LMF1: variants seen among roughly 807,000 people sequenced by gnomAD.
The protein encoded by LMF1 is transmembrane protein 112.
A neutral mutation model predicts 60.6 loss-of-function variants in LMF1; 68 were observed. The observed-to-expected ratio is 1.12, with a 90% CI of 0.92 to 1.37. The LOEUF is 1.37. LMF1 is among the 40% of genes most tolerant of loss of function. The pLI, the probability that LMF1 is intolerant of heterozygous loss-of-function variation, is 0.00. For synonymous variants in LMF1, 418 were observed against 324.7 expected (o/e 1.29, Z -3.09); for missense variants, 948 against 767.2 (o/e 1.24, Z -2.78).
chr16:979,844 T>C (rs2073291715), intron 1 of LMF1: 47 of 441,996 alleles, frequency 1.1e-4, no homozygotes, highest in South Asian at 6.6e-4. Context: ...CCCCCACTTC[T>C]GCCTGCCTGC....
At chr16:947,337 G>C (rs996772725) in intron 2 of LMF1, 2 of 384,644 alleles carry the variant, frequency 5.2e-6, no homozygotes, top group Admixed American at 3.0e-5. Flanking sequence ...CACCCACCCA[G>C]TTGGGGCTAC....
chr16:920,630 T>C (rs1429758724), intron 3 of LMF1, among the ~76,000 whole-genome samples: 1 of 152,222 alleles, frequency 6.6e-6, no homozygotes, highest in Non-Finnish European at 1.5e-5. Flanking sequence ...AGAGGCCTGA[T>C]GTCCATGTCC....
intron 3 of LMF1, among the ~76,000 whole-genome samples, chr16:923,077 G>C (rs1206415689): frequency 3.5e-5 from 5 of 140,884 alleles, no homozygotes; most frequent in Non-Finnish European, 6.4e-5. Flanking sequence ...TGTTGGTGTC[G>C]TGTTGTTGCG....
chr16:876,268 C>A (rs1397787054), intron 6 of LMF1, among the ~76,000 whole-genome samples: 1 of 152,240 alleles, frequency 6.6e-6, no homozygotes, highest in Admixed American at 6.5e-5. Context: ...TCCGCAAAGG[C>A]TGCACAATGC....
chr16:859,186 T>A (rs375262350), intron 10 of LMF1, among the ~76,000 whole-genome samples: 325 of 44,900 alleles, frequency 7.2e-3, no homozygotes, highest in South Asian at 0.016. Flanking sequence ...GAGTGGTGTC[T>A]CGGGACGGGT....
chr16:970,895 G>T lies in LMF1; in HGVS notation c.86C>A (p.Ser29Ter), dbSNP rs1596178085. Residue 29 changes from serine (S) to a stop codon, truncating the protein, a stop_gained, in exon 1 of 11, where the codon TCG becomes TAG. Transcript: ENST00000262301. LOFTEE classifies it high-confidence loss of function. ...GGGGCCACGCCCCGGCGCGGGCGGC[G>T]ACTCAGGCTCCGGATCCGAGTACCC... ...KTGYSDPEPE[S>*]PPAPGRGPAG... is the part of the protein sequence containing the mutation. 3 of 1,578,964 alleles carry T rather than the reference G, an allele frequency of 1.9e-6. No individual in the cohort carries two copies. The highest frequency in any genetic ancestry group is 2.6e-6 in the Non-Finnish European group (3 of 1,164,658).
chr16:915,014 G>T (rs1006827923), intron 3 of LMF1, among the ~76,000 whole-genome samples: 2 of 152,256 alleles, frequency 1.3e-5, no homozygotes, highest in African/African-American at 4.8e-5. Flanking sequence ...TGCCTGCTCG[G>T]CTGGCCCAGG....
At chr16:959,201 C>T (rs1352384590) in intron 1 of LMF1, among the ~76,000 whole-genome samples, 4 of 152,090 alleles carry the variant, frequency 2.6e-5, no homozygotes, top group East Asian at 1.9e-4. Flanking sequence ...GATAAATAAC[C>T]GGAGGTGCAT....
intron 5 of LMF1, chr16:884,982 GA>G (rs1338008182): frequency 8.5e-5 from 13 of 152,376 alleles, no homozygotes; most frequent in African/African-American, 2.9e-4. Context: ...AAGAGCTCCG[GA>G]AATGGTAAGT....
At chr16:919,238 G>GT (rs963542027) in intron 3 of LMF1, among the ~76,000 whole-genome samples, 1 of 152,120 alleles carries the variant, frequency 6.6e-6, no homozygotes, top group Non-Finnish European at 1.5e-5. Context: ...TCCACCCCAC[G>GT]TGGAGGGTGG....
At chr16:971,042 A>T (rs1567343282), upstream of LMF1, 1 of 868,588 alleles carries the variant, frequency 1.2e-6, no homozygotes, top group Non-Finnish European at 1.5e-6. Flanking sequence ...CCATTCTCGG[A>T]GGCCCCGCCT....
At chr16:887,857 G>A (rs1020155038) in intron 5 of LMF1, among the ~76,000 whole-genome samples, 1 of 152,170 alleles carries the variant, frequency 6.6e-6, no homozygotes, top group Non-Finnish European at 1.5e-5. Context: ...CCCTGCAGGT[G>A]TGGGAGCCCA....
At chr16:894,996 C>T (rs1326627743) in intron 4 of LMF1, among the ~76,000 whole-genome samples, 4 of 152,206 alleles carry the variant, frequency 2.6e-5, no homozygotes, top group Admixed American at 1.3e-4. Context: ...GGGAGGAAGA[C>T]AGGGTGAGGG....
intron 5 of LMF1, among the ~76,000 whole-genome samples, chr16:880,533 G>A (rs2070131455): frequency 6.6e-6 from 1 of 152,248 alleles, no homozygotes; most frequent in Non-Finnish European, 1.5e-5. Flanking sequence ...AGCTGGGCAT[G>A]GTGGTGCGTG....
chr16:941,628 T>G (rs1299450032), intron 2 of LMF1, among the ~76,000 whole-genome samples: 3 of 152,196 alleles, frequency 2.0e-5, no homozygotes, highest in Non-Finnish European at 2.9e-5. Flanking sequence ...TCTCACCTGG[T>G]TTTTCGTCCT....
Position 878,580 on chromosome 16 carries a change from G to A in LMF1, c.897+990C>T, listed in dbSNP as rs1372697746. 6.6e-6 allele frequency among the ~76,000 whole-genome samples: 1 copy of A among 152,212 alleles called. No homozygotes were observed. Among genetic ancestry groups the A allele is most frequent in the Non-Finnish European group, 1.5e-5 (1 of 68,038 alleles). ...CAGAAACTACCACACGTGCACAGAC[G>A]GGACGGGTGAACCGACCGCAGGCAC... is the stretch of plus-strand genomic sequence containing the variant. On this transcript the variant is annotated intron_variant, in intron 6 of 10. Transcript: ENST00000262301. The surrounding 1 kb of genome is among the most constrained non-coding windows in gnomAD (Gnocchi z 5.2).
rs527834712 is a variant in LMF1 at position 892,237 on chromosome 16, G to A, written c.729+770C>T. On this transcript the variant is annotated intron_variant, in intron 5 of 10. Coordinates refer to ENST00000262301, the MANE Select transcript of LMF1 (RefSeq NM_022773.4). ...CTGTCGGCAGCAGGCAGACGATGATGGCTTCCGCGTGCAGGTGCGAGTGAC... is the reference window on the plus strand; with the variant it reads ...CTGTCGGCAGCAGGCAGACGATGATAGCTTCCGCGTGCAGGTGCGAGTGAC... 3.2e-4 allele frequency among the ~76,000 whole-genome samples: 48 copies of A among 152,232 alleles called. 1 individual carries two copies. Among genetic ancestry groups the A allele is most frequent in the Admixed American group, 1.3e-4 (2 of 15,292 alleles).
At chr16:964,773 C>T (rs2072889513) in intron 1 of LMF1, among the ~76,000 whole-genome samples, 1 of 152,222 alleles carries the variant, frequency 6.6e-6, no homozygotes, top group African/African-American at 2.4e-5. Flanking sequence ...CACGTCAACC[C>T]TGCCTCGGGT....
chr16:962,888 C>T lies in LMF1; in HGVS notation c.193+7900G>A, dbSNP rs911259316. Among the ~76,000 whole-genome samples, 3 of 152,180 alleles carry T rather than the reference C, an allele frequency of 2.0e-5. No individual in the cohort carries two copies. Among genetic ancestry groups the T allele is most frequent in the Non-Finnish European group, 4.4e-5 (3 of 68,036 alleles). ...GCACCACTCAGTGCCCGGCATGAAG[C>T]GCTGTGAGCAGCCTCCCTCCAAGGC... On this transcript the variant is annotated intron_variant, in intron 1 of 10. Transcript: ENST00000262301. This position sits in a 1 kb window ranked among gnomAD's most constrained non-coding sequence, Gnocchi z 4.5.
Sources: gnomAD v4.1 joint callset for allele counts (sites outside exome capture counted in the v4.1 genomes callset) on GRCh38, gnomAD v4.1.1 for gene constraint, Gnocchi (gnomAD v3.1) non-coding constraint, MANE v1.5 for transcripts, NCBI Gene and HGNC (gene_info 2026-07-23, HGNC 2026-07-21) for gene names.